The following ERBB4 variants were observed in gnomAD, a reference collection of about 807,000 sequenced individuals.
The protein encoded by ERBB4 is receptor tyrosine-protein kinase erbB-4.
A neutral mutation model predicts 158.0 loss-of-function variants in ERBB4; 42 were observed. The observed-to-expected ratio is 0.27, with a 90% CI of 0.21 to 0.34. ERBB4 has a LOEUF of 0.34. ERBB4 is among the 10% of genes least tolerant of loss of function. The pLI is 1.00. For missense variants in ERBB4, 1,333 were observed against 1,624.1 expected (o/e 0.82, Z 3.08); for synonymous variants, 583 against 558.7 (o/e 1.04, Z -0.61).
chr2:211,704,924 A>G (rs1357514648), intron 10 of ERBB4, among the ~76,000 whole-genome samples: 4 of 151,936 alleles, frequency 2.6e-5, no homozygotes, highest in African/African-American at 7.2e-5. Context: ...GCTGATTCCA[A>G]TCTTATGTAA....
rs562280970 is a variant in ERBB4 at position 211,922,444 on chromosome 2, CT to C, written c.421+24985del. 5.3e-5 allele frequency among the ~76,000 whole-genome samples: 8 copies of C among 151,428 alleles called. No homozygotes were observed. The South Asian group carries it at 8.4e-4, about 16-fold the overall frequency. ...GAAGAATTACATTATAGTTTATCAA[CT>C]TTTTTTTTCTATTTTAACAGTTCAT... On this transcript the variant is annotated intron_variant, in intron 3 of 27. Transcript: ENST00000342788.
chr2:212,248,365 G>A (rs972736952), intron 1 of ERBB4, among the ~76,000 whole-genome samples: 2 of 152,044 alleles, frequency 1.3e-5, no homozygotes, highest in African/African-American at 4.8e-5. Context: ...ACAACTTTTT[G>A]TGTCCTCTGA....
chr2:211,988,299 T>C (rs1488822885), intron 2 of ERBB4, among the ~76,000 whole-genome samples: 2 of 152,078 alleles, frequency 1.3e-5, no homozygotes, highest in African/African-American at 4.8e-5. Flanking sequence ...CTTACTAGTT[T>C]TATAATCTTG....
At chr2:211,448,828 C>A (rs1279792425) in intron 20 of ERBB4, among the ~76,000 whole-genome samples, 1 of 152,222 alleles carries the variant, frequency 6.6e-6, no homozygotes, top group South Asian at 2.1e-4. Flanking sequence ...TCTATTGAGA[C>A]AGTTCACTAA....
chr2:212,314,310 CA>C (rs1187752107), intron 1 of ERBB4, among the ~76,000 whole-genome samples: 1 of 150,694 alleles, frequency 6.6e-6, no homozygotes, highest in Non-Finnish European at 1.5e-5. Context: ...TAATTTTTTT[CA>C]AGCACTTTTT....
chr2:211,986,731 A>C (rs1196838701), intron 2 of ERBB4, among the ~76,000 whole-genome samples: 1 of 152,154 alleles, frequency 6.6e-6, no homozygotes, highest in African/African-American at 2.4e-5. Flanking sequence ...ATTAGGTAAC[A>C]CTTGCAAGCA....
rs192034420 is a variant in ERBB4, at chr2:211,477,313, T to G, written c.2488-46213A>C. 4.2e-4 allele frequency among the ~76,000 whole-genome samples: 60 copies of G among 144,242 alleles called. No homozygotes were observed. The East Asian group carries it at 0.011, about 27-fold the overall frequency. The allele number at this position is 144,242 out of a possible 152,430, so 94.6% of individuals were successfully genotyped here. On this transcript the variant is annotated intron_variant, in intron 20 of 27. Coordinates refer to ENST00000342788, the MANE Select transcript of ERBB4 (RefSeq NM_005235.3). ...TTCCTTAAAATCTCTCTCTCTCTCT[T>G]TCTCTCTCTCTCTCTCCTACACATA...
chr2:211,997,305 T>C (rs938586161), intron 2 of ERBB4, among the ~76,000 whole-genome samples: 1 of 152,232 alleles, frequency 6.6e-6, no homozygotes, highest in East Asian at 1.9e-4. Flanking sequence ...TTCTATTATG[T>C]TTCCTCTCTT....
chr2:212,321,385 T>C (rs1055211901), intron 1 of ERBB4, among the ~76,000 whole-genome samples: 4 of 150,514 alleles, frequency 2.7e-5, no homozygotes, highest in Admixed American at 6.6e-5. Context: ...TAATATAATT[T>C]AAGACACTGA....
chr2:211,424,557 A>C (rs558445836), intron 22 of ERBB4, among the ~76,000 whole-genome samples: 13 of 152,236 alleles, frequency 8.5e-5, no homozygotes, highest in African/African-American at 3.1e-4. Flanking sequence ...GGATGTCAGC[A>C]TATAGAATCT....
At chr2:211,492,154 G>T (rs1022071438) in intron 20 of ERBB4, among the ~76,000 whole-genome samples, 1 of 152,064 alleles carries the variant, frequency 6.6e-6, no homozygotes, top group Admixed American at 6.6e-5. Flanking sequence ...TCAGTCAGAA[G>T]GCTAGACTGC....
At chr2:211,930,949 T>TG (rs1005559806) in intron 3 of ERBB4, among the ~76,000 whole-genome samples, 3 of 152,104 alleles carry the variant, frequency 2.0e-5, no homozygotes, top group Non-Finnish European at 2.9e-5. Context: ...AAGTAATCTC[T>TG]GGGGAAACAA....
At chr2:212,476,309 G>C (rs1188322089) in intron 1 of ERBB4, among the ~76,000 whole-genome samples, 2 of 152,006 alleles carry the variant, frequency 1.3e-5, no homozygotes, top group African/African-American at 2.4e-5. Flanking sequence ...ATGTCTACTT[G>C]GCTTGCTATT....
Position 212,195,273 on chromosome 2 carries a change from A to G in ERBB4, c.83-70370T>C, listed in dbSNP as rs192792227. Among the ~76,000 whole-genome samples, 71 of 152,112 alleles carry G rather than the reference A, an allele frequency of 4.7e-4. No homozygotes were observed. The East Asian group carries it at 0.013, about 28-fold the overall frequency. The stretch of plus-strand genomic sequence containing the variant: ...GTATTTTAAAAAATTCTGAATAGCA[A>G]CAGTTGTTAGCTACAATTTGCATTA... On this transcript the variant is annotated intron_variant, in intron 1 of 27. Coordinates refer to ENST00000342788, the MANE Select transcript of ERBB4 (RefSeq NM_005235.3).
intron 3 of ERBB4, among the ~76,000 whole-genome samples, chr2:211,930,200 A>G (rs991762790): frequency 3.3e-5 from 5 of 152,206 alleles, no homozygotes; most frequent in Non-Finnish European, 5.9e-5. Flanking sequence ...GGATATAGAC[A>G]TAATTGTTAA....
At chr2:212,210,860 C>T (rs1353000096) in intron 1 of ERBB4, among the ~76,000 whole-genome samples, 1 of 152,078 alleles carries the variant, frequency 6.6e-6, no homozygotes, top group Non-Finnish European at 1.5e-5. Flanking sequence ...CCAACCTAGA[C>T]AATATTGCTG....
chr2:212,099,727 T>C (rs2079028963), intron 2 of ERBB4, among the ~76,000 whole-genome samples: 1 of 122,412 alleles, frequency 8.2e-6, no homozygotes, highest in South Asian at 2.3e-4. Context: ...TATATAGCTT[T>C]GTTTTACAGT....
chr2:212,009,536 T>A (rs1267449122), intron 2 of ERBB4, among the ~76,000 whole-genome samples: 1 of 152,022 alleles, frequency 6.6e-6, no homozygotes, highest in East Asian at 1.9e-4. Context: ...TTTTAACACA[T>A]CAAGTTTGTT....
At chr2:212,004,059 C>A (rs11685677) in intron 2 of ERBB4, among the ~76,000 whole-genome samples, 1 of 151,934 alleles carries the variant, frequency 6.6e-6, no homozygotes, top group African/African-American at 2.4e-5. Context: ...AAATTATTCA[C>A]AATGTTGCTT....
Sources: gnomAD v4.1 joint callset for allele counts (sites outside exome capture counted in the v4.1 genomes callset) on GRCh38, gnomAD v4.1.1 for gene constraint, MANE v1.5 for transcripts, NCBI Gene and HGNC (gene_info 2026-07-23, HGNC 2026-07-21) for gene names.